The following SLC25A30 variants were observed in gnomAD, a reference collection of about 807,000 sequenced individuals.
SLC25A30 encodes kidney mitochondrial carrier protein 1.
A neutral mutation model predicts 42.7 loss-of-function variants in SLC25A30; 29 were observed. The ratio of observed to expected loss-of-function variants is 0.68; its 90% CI spans 0.51 to 0.93. SLC25A30 has a LOEUF of 0.93. SLC25A30 is among the 40% of genes least tolerant of loss of function. SLC25A30 has a pLI of 0.00. For synonymous variants in SLC25A30, 124 were observed against 131.0 expected, an observed-to-expected ratio of 0.95 and a Z score of 0.37; for missense variants, 300 against 359.7, an observed-to-expected ratio of 0.83 and a Z score of 1.34.
chr13:45,406,093 T>TA (rs1882479841), intron 3 of SLC25A30, 116 bp from the exon 4 acceptor site: 2 of 926,064 alleles, frequency 2.2e-6, no homozygotes, highest in Non-Finnish European at 3.3e-6. Context: ...AAACAATTTT[T>TA]TTTTTTTGAG....
At position 45,413,097 on chromosome 13, in the gene SLC25A30, T is replaced by G. The variant is rs539881668; in HGVS notation, c.-55-1617A>C. 5.3e-5 allele frequency among the ~76,000 whole-genome samples: 8 copies of G among 152,336 alleles called. No homozygotes were observed. In the South Asian group the frequency reaches 1.7e-3, roughly 32 times the overall value. ...CCCCATCGGGCACCTTGAATAAATC[T>G]ATTAATCATTATTCCTTGTTTATGG... On this transcript the variant is annotated intron_variant, in intron 1 of 9. Transcript: ENST00000519676.
rs972489200 is a variant in SLC25A30, at chr13:45,393,891, A to G, written c.*2083T>C. On this transcript the variant is annotated 3_prime_UTR_variant, in exon 10 of 10. Coordinates refer to ENST00000519676, the MANE Select transcript of SLC25A30 (RefSeq NM_001010875.4). Reference sequence around the variant, plus strand: ...TATGTAATTTGAATAAACTGGTAATAATACTGTCTGACATTCGCTCTTTAC... The same window carrying G: ...TATGTAATTTGAATAAACTGGTAATGATACTGTCTGACATTCGCTCTTTAC... 7 of 985,426 alleles carry G rather than the reference A, an allele frequency of 7.1e-6. No homozygotes were observed. The African/African-American group carries it at 1.0e-4, about 15-fold the overall frequency. 61.0% of individuals were successfully genotyped at this position (985,426 alleles called of 1,614,324 possible).
the SLC25A30 span, among the ~76,000 whole-genome samples, chr13:45,433,106 G>A: frequency 9.3e-5 from 14 of 150,376 alleles, no homozygotes; most frequent in Non-Finnish European, 1.9e-4. Context: ...CCCATCATTT[G>A]GCTAAATATT....
intron 7 of SLC25A30, among the ~76,000 whole-genome samples, chr13:45,400,022 A>ATATGTG (rs1263904076): frequency 5.0e-5 from 6 of 119,996 alleles, no homozygotes; most frequent in Non-Finnish European, 8.5e-5. Flanking sequence ...GATTATATAT[A>ATATGTG]TATATATATA....
rs1315546871 is a variant in SLC25A30 at position 45,394,248 on chromosome 13, G to A, written c.*1726C>T. The stretch of plus-strand genomic sequence containing the variant: ...AGGTAACCCTACCCCACTGCACCCC[G>A]CCCCCGCCCCCACCTTCTGTTATCC... On this transcript the variant is annotated 3_prime_UTR_variant, in exon 10 of 10. Transcript: ENST00000519676. 47 of 657,028 alleles carry A rather than the reference G, an allele frequency of 7.2e-5. No individual in the cohort carries two copies. The East Asian group carries it at 4.4e-3, about 61-fold the overall frequency. 40.7% of individuals were successfully genotyped at this position (657,028 alleles called of 1,614,324 possible).
chr13:45,404,474 A>G, intron 4 of SLC25A30, 62 bp from the exon 5 acceptor site: 2 of 1,158,890 alleles, frequency 1.7e-6, no homozygotes, highest in Admixed American at 1.7e-5. Context: ...GAGAAACTCA[A>G]CTATAGGTCT....
At chr13:45,428,495 C>A in the SLC25A30 span, among the ~76,000 whole-genome samples, 23 of 150,210 alleles carry the variant, frequency 1.5e-4, no homozygotes, top group Non-Finnish European at 3.4e-4. Context: ...GCATGAGCCA[C>A]CAAGCCCAGC....
chr13:45,410,352 G>A lies in SLC25A30; in HGVS notation c.64+1010C>T, dbSNP rs528730260. Reference sequence around the variant, plus strand: ...AGCTGGGGGAAAGGACAAGGAAAACGGACAGACACAATCCAAAAATGATTC... The same window carrying A: ...AGCTGGGGGAAAGGACAAGGAAAACAGACAGACACAATCCAAAAATGATTC... On this transcript the variant is annotated intron_variant, in intron 2 of 9. Coordinates refer to ENST00000519676, the MANE Select transcript of SLC25A30 (RefSeq NM_001010875.4). Among the ~76,000 whole-genome samples, 10 of 152,278 alleles carry A rather than the reference G, an allele frequency of 6.6e-5. No individual in the cohort carries two copies. The South Asian group carries it at 1.0e-3, about 16-fold the overall frequency.
At chr13:45,424,428 T>TATATAAATATATAAAA in the SLC25A30 span, among the ~76,000 whole-genome samples, 1 of 43,254 alleles carries the variant, frequency 2.3e-5, no homozygotes, top group African/African-American at 8.8e-5. Flanking sequence ...AATATATGAA[T>TATATAAATATATAAAA]ATATATATAA....
Position 45,394,449 on chromosome 13 carries a change from T to C in SLC25A30, c.*1525A>G, listed in dbSNP as rs895982750. 2.0e-6 allele frequency: 2 copies of C among 985,380 alleles called. No homozygotes were observed. The highest frequency in any genetic ancestry group is 4.7e-5 in the South Asian group (1 of 21,282). The allele number at this position is 985,380 out of a possible 1,614,324, so 61.0% of individuals were successfully genotyped here. A position where few individuals can be genotyped will look rare whatever the true frequency, so the allele number is the denominator to read the frequency against. ...CAAAGAGACTGGCCAGACTGGGAAT[T>C]TGGCCGCACTACTGTGGAAGGAGAA... is the stretch of plus-strand genomic sequence containing the variant. On this transcript the variant is annotated 3_prime_UTR_variant, in exon 10 of 10. Transcript: ENST00000519676.
chr13:45,423,688 A>ATATAAAAATATATATATT, the SLC25A30 span, among the ~76,000 whole-genome samples: 3 of 17,788 alleles, frequency 1.7e-4, no homozygotes, highest in African/African-American at 4.7e-4. Flanking sequence ...TTATATAAAT[A>ATATAAAAATATATATATT]TATATAAATA....
chr13:45,399,135 A>G, intron 7 of SLC25A30, 57 bp from the exon 8 acceptor site: 1 of 1,516,016 alleles, frequency 6.6e-7, no homozygotes, highest in South Asian at 1.3e-5. Context: ...AGCTACAACC[A>G]CCATCAAAGG....
chr13:45,406,088 A>T (rs1025732420), intron 3 of SLC25A30, 111 bp from the exon 4 acceptor site: 66 of 724,778 alleles, frequency 9.1e-5, no homozygotes, highest in Admixed American at 1.7e-4. Flanking sequence ...CTCTAAAACA[A>T]TTTTTTTTTT....
chr13:45,402,400 A>T (rs1294177097), intron 5 of SLC25A30, 30 bp from the exon 6 acceptor site: 1 of 1,573,056 alleles, frequency 6.4e-7, no homozygotes, highest in Non-Finnish European at 8.7e-7. Flanking sequence ...CCAACATCAG[A>T]AAGAAACTAC....
In SLC25A30 at chr13:45,399,018, C is replaced by T. The variant is rs747701033; in HGVS notation, c.675G>A (p.Arg225=). ...GCACTCTCTGATTCATCATACGTGT[C>T]CTCACAACATCAACAGGGTTTGAGG... ...ALASNPVDVV[R]TRMMNQRVLR... Residue 225 remains arginine, a synonymous_variant, in exon 8 of 10, where the codon AGG becomes AGA. Transcript: ENST00000519676. The T allele has an allele frequency of 6.2e-7, 1 of 1,613,964 alleles. No individual in the cohort carries two copies. Among genetic ancestry groups the T allele is most frequent in the Non-Finnish European group, 8.5e-7 (1 of 1,179,968 alleles).
At chr13:45,416,788 G>C (rs958976821) in intron 1 of SLC25A30, among the ~76,000 whole-genome samples, 2 of 151,958 alleles carry the variant, frequency 1.3e-5, no homozygotes, top group Non-Finnish European at 2.9e-5. Flanking sequence ...AATAAATAAA[G>C]GTTAAAAACA....
intron 6 of SLC25A30, 147 bp from the exon 7 acceptor site, chr13:45,401,354 A>G (rs1881964494): frequency 3.8e-6 from 3 of 793,824 alleles, no homozygotes; most frequent in Non-Finnish European, 5.9e-6. Context: ...ACAGAGCGGA[A>G]AAGATCACAG....
the SLC25A30 span, among the ~76,000 whole-genome samples, chr13:45,426,928 A>G: frequency 6.6e-6 from 1 of 152,276 alleles, no homozygotes; most frequent in South Asian, 2.1e-4. Context: ...CTTAATGGTT[A>G]GTACTAAAAA....
chr13:45,423,683 T>TAAATATATAA, the SLC25A30 span, among the ~76,000 whole-genome samples: 12 of 16,170 alleles, frequency 7.4e-4, 1 homozygote, highest in African/African-American at 7.4e-3. Flanking sequence ...CATATTTATA[T>TAAATATATAA]AAATATATAT....
Sources: allele counts gnomAD v4.1 joint callset (sites outside exome capture counted in the v4.1 genomes callset), GRCh38; gene constraint gnomAD v4.1.1; transcripts MANE v1.5; gene names NCBI Gene and HGNC (gene_info 2026-07-23, HGNC 2026-07-21).